FZD3: variants seen among roughly 807,000 people sequenced by gnomAD.
The protein encoded by FZD3 is frizzled class receptor 3.
Under a neutral mutation model 60.7 loss-of-function variants are expected in FZD3, and 30 were observed. The observed-to-expected ratio is 0.49, with a 90% CI of 0.37 to 0.67. The LOEUF (loss-of-function observed/expected upper bound fraction) is 0.67. Ranked by LOEUF, FZD3 falls within the 30% of genes least tolerant of loss-of-function variation. FZD3 has a pLI of 0.00. For synonymous variants in FZD3, 246 were observed against 275.2 expected (o/e 0.89, Z 1.05); for missense variants, 605 against 838.7 (o/e 0.72, Z 3.44).
At chr8:28,506,484 T>A (rs1804143561) in intron 3 of FZD3, among the ~76,000 whole-genome samples, 1 of 152,226 alleles carries the variant, frequency 6.6e-6, no homozygotes, top group South Asian at 2.1e-4. Flanking sequence ...CCTGTCACCC[T>A]GTTTTTTCAT....
chr8:28,523,518 C>T (rs1804638345), intron 4 of FZD3, among the ~76,000 whole-genome samples: 1 of 151,944 alleles, frequency 6.6e-6, no homozygotes, highest in South Asian at 2.1e-4. Context: ...TAGCCTCAAA[C>T]TCCTGGGCTC....
At chr8:28,510,737 T>C (rs13259045) in intron 3 of FZD3, among the ~76,000 whole-genome samples, 81,353 of 152,062 alleles carry the variant, frequency 0.53, 22,632 homozygotes, top group East Asian at 0.68. Context: ...GTGAAAATTG[T>C]TTTTTAAAAT....
chr8:28,505,793 G>A (rs1585945935), intron 3 of FZD3, among the ~76,000 whole-genome samples: 1 of 152,324 alleles, frequency 6.6e-6, no homozygotes, highest in Non-Finnish European at 1.5e-5. Context: ...CAACAAGTTG[G>A]ATCTTCTTAC....
At chr8:28,494,737 C>T (rs979119835) in intron 1 of FZD3, among the ~76,000 whole-genome samples, 2 of 151,972 alleles carry the variant, frequency 1.3e-5, no homozygotes, top group African/African-American at 2.4e-5. Flanking sequence ...GCCTCTACCC[C>T]GGCTCAGACC....
chr8:28,520,681 G>A lies in FZD3; in HGVS notation c.233G>A (p.Arg78Gln), dbSNP rs763767677. The A allele has an allele frequency of 3.1e-5, 50 of 1,604,900 alleles. No individual in the cohort carries two copies. The highest frequency in any genetic ancestry group is 2.2e-5 in the East Asian group (1 of 44,682). ...AATCTGGATTGTTCTCGGGATTTCC[G>A]GCCTTTTCTTTGTGCACTCTACGCT... Reference protein sequence around the residue: ...MVNLDCSRDFRPFLCALYAPI... With the variant: ...MVNLDCSRDFQPFLCALYAPI... The change falls in exon 4 of 8, where the codon CGG (arginine) becomes CAG (glutamine). Residue 78 changes from arginine to glutamine, a missense_variant. Physicochemically the swap from Arg to Gln is conservative, Grantham distance 43. Transcript: ENST00000240093.
intron 4 of FZD3, among the ~76,000 whole-genome samples, chr8:28,523,599 A>T (rs1294419486): frequency 2.2e-5 from 3 of 137,494 alleles, no homozygotes; most frequent in East Asian, 4.9e-4. Flanking sequence ...CCAGCTAATT[A>T]AAAAAAAAAA....
chr8:28,551,253 C>G (rs1386578159), intron 5 of FZD3, among the ~76,000 whole-genome samples: 1 of 152,122 alleles, frequency 6.6e-6, no homozygotes, highest in African/African-American at 2.4e-5. Context: ...GATTTTGGGC[C>G]AGGCGCAGTG....
In FZD3 at chr8:28,527,745, T is replaced by C. The variant is rs1348935377; in HGVS notation, c.985T>C (p.Leu329=). The C allele has an allele frequency of 3.1e-6, 5 of 1,614,134 alleles. No homozygotes were observed. The highest frequency in any genetic ancestry group is 2.2e-5 in the South Asian group (2 of 91,088). Residue 329 remains leucine (L), a synonymous_variant, in exon 5 of 8, where the codon TTG becomes CTG. Coordinates refer to ENST00000240093, the MANE Select transcript of FZD3 (RefSeq NM_017412.4). This position sits in a 1 kb window ranked among gnomAD's most constrained non-coding sequence, Gnocchi z 5.0. ...WGSEAIEKKA[L]LFHASAWGIP... ...TAGTGAAGCTATTGAGAAGAAAGCA[T>C]TGCTGTTTCACGCCAGTGCATGGGG...
At chr8:28,545,078 G>A (rs1805263100) in intron 5 of FZD3, among the ~76,000 whole-genome samples, 1 of 152,032 alleles carries the variant, frequency 6.6e-6, no homozygotes, top group South Asian at 2.1e-4. Context: ...CCTCTTAAAG[G>A]CCCCACCTCT....
chr8:28,509,529 T>C (rs1804229896), intron 3 of FZD3, among the ~76,000 whole-genome samples: 1 of 152,146 alleles, frequency 6.6e-6, no homozygotes, highest in African/African-American at 2.4e-5. Flanking sequence ...TACAATTCCA[T>C]CTCCAGAGTT....
At chr8:28,502,078 C>T (rs1355921929) in intron 2 of FZD3, among the ~76,000 whole-genome samples, 1 of 152,134 alleles carries the variant, frequency 6.6e-6, no homozygotes, top group African/African-American at 2.4e-5. Context: ...TCACTCATAT[C>T]ATCCCTGTGA....
intron 5 of FZD3, among the ~76,000 whole-genome samples, chr8:28,546,599 C>T: frequency 6.6e-6 from 1 of 152,136 alleles, no homozygotes; most frequent in East Asian, 1.9e-4. Context: ...TTTCCCAATG[C>T]CCCACCCAGC....
intron 5 of FZD3, among the ~76,000 whole-genome samples, chr8:28,538,337 C>T (rs1176299871): frequency 6.6e-6 from 1 of 152,026 alleles, no homozygotes; most frequent in East Asian, 1.9e-4. Flanking sequence ...GTTTAATAAT[C>T]ATAGTTGCTT....
In FZD3 at chr8:28,569,345, T is replaced by C. The variant is rs939881128; in HGVS notation, c.*6334T>C. ...CAATAGGATTTTGAGTCAGGAAACT[T>C]GACTTCTACTCTTGCCTCTCTTTTG... On this transcript the variant is annotated 3_prime_UTR_variant, in exon 8 of 8. Transcript: ENST00000240093. 1 of 152,076 alleles carries C rather than the reference T, an allele frequency of 6.6e-6. No individual in the cohort carries two copies. Among genetic ancestry groups the C allele is most frequent in the African/African-American group, 2.4e-5 (1 of 41,436 alleles). The allele number at this position is 152,076 out of a possible 1,614,324, so 9.4% of individuals were successfully genotyped here.
intron 3 of FZD3, among the ~76,000 whole-genome samples, chr8:28,512,870 A>G (rs1319906161): frequency 1.3e-5 from 2 of 152,198 alleles, no homozygotes; most frequent in African/African-American, 4.8e-5. Context: ...ATGTACACCC[A>G]TATAACAATA....
rs1390619383 is a variant in FZD3 at position 28,574,136 on chromosome 8, T to G, written c.*11125T>G. On this transcript the variant is annotated 3_prime_UTR_variant, in exon 8 of 8. Coordinates refer to ENST00000240093, the MANE Select transcript of FZD3 (RefSeq NM_017412.4). ...ATTTATTTTGTTTACAGTAGACTGA[T>G]GTCAGTTTTTGTAAATGTTTTTTCT... The G allele has an allele frequency of 1.3e-5, 2 of 152,208 alleles. No individual in the cohort carries two copies. Among genetic ancestry groups the G allele is most frequent in the African/African-American group, 4.8e-5 (2 of 41,460 alleles). 9.4% of individuals were successfully genotyped at this position (152,208 alleles called of 1,614,324 possible).
intron 1 of FZD3, among the ~76,000 whole-genome samples, chr8:28,498,958 C>T (rs1585937854): frequency 1.3e-5 from 2 of 152,270 alleles, no homozygotes; most frequent in East Asian, 3.9e-4. Context: ...CAGATTTTGA[C>T]TCTTACTAAA....
chr8:28,519,262 T>G (rs573899978), intron 3 of FZD3, among the ~76,000 whole-genome samples: 1 of 152,180 alleles, frequency 6.6e-6, no homozygotes, highest in Non-Finnish European at 1.5e-5. Flanking sequence ...ATGCAAAAAA[T>G]ATTCCATAGT....
At position 28,544,273 on chromosome 8, in the gene FZD3, AAGT is replaced by A. The variant is rs574464707; in HGVS notation, c.1405-7322_1405-7320del. 1.6e-4 allele frequency among the ~76,000 whole-genome samples: 25 copies of A among 152,244 alleles called. No homozygotes were observed. In the South Asian group the frequency reaches 4.4e-3, roughly 27 times the overall value. On this transcript the variant is annotated intron_variant, in intron 5 of 7. Transcript: ENST00000240093. Reference sequence around the variant, plus strand: ...TATGATATGAATATCTGCCTTTAAGAAGTAGTAGTATGCCATATCGGAGAATAC... The same window carrying A: ...TATGATATGAATATCTGCCTTTAAGAAGTAGTATGCCATATCGGAGAATAC...
Sources: allele counts gnomAD v4.1 joint callset (sites outside exome capture counted in the v4.1 genomes callset), GRCh38; gene constraint gnomAD v4.1.1; non-coding constraint Gnocchi (gnomAD v3.1); transcripts MANE v1.5; gene names NCBI Gene and HGNC (gene_info 2026-07-23, HGNC 2026-07-21).